NTNG1: variants seen among roughly 807,000 people sequenced by gnomAD.
NTNG1 encodes the protein netrin G1, also known as netrin-G1.
A neutral mutation model predicts 54.0 loss-of-function variants in NTNG1; 16 were observed. The ratio of observed to expected loss-of-function variants is 0.30; its 90% confidence interval spans 0.20 to 0.45. NTNG1 has a LOEUF of 0.45. NTNG1 is among the 20% of genes least tolerant of loss of function. NTNG1 has a pLI of 1.00. For missense variants in NTNG1, 530 were observed against 678.7 expected (o/e 0.78, Z 2.43); for synonymous variants, 255 against 263.1 (o/e 0.97, Z 0.30).
chr1:107,258,574 A>T (rs1663087161), intron 2 of NTNG1, among the ~76,000 whole-genome samples: 1 of 152,210 alleles, frequency 6.6e-6, no homozygotes, highest in African/African-American at 2.4e-5. Context: ...TAATTTCCTC[A>T]CAAGATACCT....
intron 1 of NTNG1, among the ~76,000 whole-genome samples, chr1:107,146,367 T>C (rs1435652826): frequency 2.0e-5 from 3 of 152,042 alleles, no homozygotes; most frequent in Non-Finnish European, 4.4e-5. Flanking sequence ...AGTTGAAAAA[T>C]TCATCTCAAA....
At chr1:107,237,519 G>A (rs1661492417) in intron 2 of NTNG1, among the ~76,000 whole-genome samples, 1 of 152,178 alleles carries the variant, frequency 6.6e-6, no homozygotes, top group Non-Finnish European at 1.5e-5. Context: ...TGAAGAAAAT[G>A]TCTCCAGGGC....
chr1:107,417,788 C>T (rs1376591190), intron 5 of NTNG1, among the ~76,000 whole-genome samples: 2 of 152,054 alleles, frequency 1.3e-5, no homozygotes, highest in Non-Finnish European at 2.9e-5. Flanking sequence ...TGCACCTTCA[C>T]AAAAATAGTT....
chr1:107,231,656 A>C (rs1661079170), intron 2 of NTNG1, among the ~76,000 whole-genome samples: 1 of 152,132 alleles, frequency 6.6e-6, no homozygotes, highest in Non-Finnish European at 1.5e-5. Flanking sequence ...AGATAACCAA[A>C]CAGATGAACT....
chr1:107,166,995 G>T (rs2101075227), intron 2 of NTNG1, among the ~76,000 whole-genome samples: 1 of 152,198 alleles, frequency 6.6e-6, no homozygotes, highest in South Asian at 2.1e-4. Flanking sequence ...AACTTAACCT[G>T]CTCTAGGTCG....
chr1:107,271,345 A>G (rs1664132736), intron 2 of NTNG1, among the ~76,000 whole-genome samples: 1 of 152,204 alleles, frequency 6.6e-6, no homozygotes, highest in East Asian at 1.9e-4. Context: ...CACACAAACC[A>G]GTTAGAAATC....
At chr1:107,467,604 T>C (rs1348058624) in intron 7 of NTNG1, among the ~76,000 whole-genome samples, 1 of 152,228 alleles carries the variant, frequency 6.6e-6, no homozygotes, top group Non-Finnish European at 1.5e-5. Flanking sequence ...TCCAGACTTC[T>C]GGACACCACC....
intron 5 of NTNG1, among the ~76,000 whole-genome samples, chr1:107,416,231 G>T (rs569585972): frequency 6.6e-6 from 1 of 151,930 alleles, no homozygotes; most frequent in East Asian, 1.9e-4. Flanking sequence ...GATTTGATCC[G>T]GATTTTCATA....
chr1:107,284,992 G>A (rs1039944044), intron 2 of NTNG1, among the ~76,000 whole-genome samples: 3 of 152,022 alleles, frequency 2.0e-5, no homozygotes, highest in Non-Finnish European at 4.4e-5. Flanking sequence ...TGAATAATTT[G>A]TATCTCACTG....
chr1:107,389,196 A>G (rs1038978541), intron 3 of NTNG1, among the ~76,000 whole-genome samples: 1 of 152,264 alleles, frequency 6.6e-6, no homozygotes, highest in Non-Finnish European at 1.5e-5. Context: ...GCTAAACTTC[A>G]TCCACTTCAT....
At chr1:107,331,000 G>C (rs1189455323) in intron 3 of NTNG1, 1 of 152,018 alleles carries the variant, frequency 6.6e-6, no homozygotes, top group Non-Finnish European at 1.5e-5. Flanking sequence ...ATAGCATTCA[G>C]TTTACAAAAT....
intron 2 of NTNG1, among the ~76,000 whole-genome samples, chr1:107,153,669 T>G (rs1654759068): frequency 6.6e-6 from 1 of 152,344 alleles, no homozygotes; most frequent in East Asian, 1.9e-4. Context: ...TTGAGGAGCC[T>G]ACAATAGCTC....
chr1:107,446,465 T>G (rs11799443), intron 7 of NTNG1, among the ~76,000 whole-genome samples: 19,700 of 152,070 alleles, frequency 0.13, 1,410 homozygotes, highest in Middle Eastern at 0.23. Context: ...AAAGCTCTAT[T>G]TAGAGACAAT....
chr1:107,352,703 G>C (rs1010668790), intron 3 of NTNG1, among the ~76,000 whole-genome samples: 1 of 152,222 alleles, frequency 6.6e-6, no homozygotes, highest in African/African-American at 2.4e-5. Flanking sequence ...AAGCTTTAAG[G>C]TGTGGATCAG....
intron 6 of NTNG1, among the ~76,000 whole-genome samples, chr1:107,433,046 A>C (rs1484028183): frequency 6.6e-6 from 1 of 152,200 alleles, no homozygotes; most frequent in Non-Finnish European, 1.5e-5. Flanking sequence ...TATGAAAAAG[A>C]TATCAATTTT....
At chr1:107,225,734 A>G (rs569972728) in intron 2 of NTNG1, among the ~76,000 whole-genome samples, 6 of 152,274 alleles carry the variant, frequency 3.9e-5, no homozygotes, top group African/African-American at 7.2e-5. Flanking sequence ...TTTTATCCCT[A>G]GGAAGTTCTC....
chr1:107,376,471 G>A (rs1671269273), intron 3 of NTNG1, among the ~76,000 whole-genome samples: 1 of 151,810 alleles, frequency 6.6e-6, no homozygotes, highest in Non-Finnish European at 1.5e-5. Flanking sequence ...TTTACAGATT[G>A]AGAAGCAGAG....
intron 7 of NTNG1, among the ~76,000 whole-genome samples, chr1:107,439,093 G>A (rs1209664318): frequency 6.6e-5 from 10 of 152,152 alleles, no homozygotes; most frequent in African/African-American, 1.7e-4. Context: ...CAACAATTAC[G>A]ATAGAAGGTA....
intron 2 of NTNG1, among the ~76,000 whole-genome samples, chr1:107,155,083 A>G (rs878899003): frequency 6.6e-6 from 1 of 152,146 alleles, no homozygotes; most frequent in Non-Finnish European, 1.5e-5. Context: ...GCCCTAAAGC[A>G]TCAGTCTCTC....
Sources: gnomAD v4.1 joint callset for allele counts (sites outside exome capture counted in the v4.1 genomes callset) on GRCh38, gnomAD v4.1.1 for gene constraint, MANE v1.5 for transcripts, NCBI Gene and HGNC (gene_info 2026-07-23, HGNC 2026-07-21) for gene names.